EYA1: variants seen among roughly 807,000 people sequenced by gnomAD.
EYA1 encodes EYA transcriptional coactivator and phosphatase 1, also known as protein phosphatase EYA1.
In EYA1, 16 loss-of-function variants were observed where a neutral mutation model predicts 82.0. That is an observed-to-expected ratio of 0.20 (90% CI 0.13 to 0.30). The LOEUF is 0.30. Among genes scored for constraint, EYA1 ranks in the 10% least tolerant of loss-of-function variants. EYA1 has a pLI of 1.00. For synonymous variants in EYA1, 261 were observed against 264.4 expected, an observed-to-expected ratio of 0.99 and a Z score of 0.12; for missense variants, 633 against 730.7, an observed-to-expected ratio of 0.87 and a Z score of 1.54.
At chr8:71,353,702 T>C (rs902648556) in intron 3 of EYA1, among the ~76,000 whole-genome samples, 1 of 152,222 alleles carries the variant, frequency 6.6e-6, no homozygotes, top group Non-Finnish European at 1.5e-5. Context: ...TAATACATAT[T>C]GGAATATCAC....
At chr8:71,408,318 C>T (rs989515334) in intron 2 of EYA1, among the ~76,000 whole-genome samples, 70 of 151,532 alleles carry the variant, frequency 4.6e-4, no homozygotes, top group African/African-American at 1.6e-3. Flanking sequence ...CATCAACTAA[C>T]GAGCAAAAAC....
chr8:71,443,605 C>T (rs1288185520), intron 2 of EYA1, among the ~76,000 whole-genome samples: 1 of 152,136 alleles, frequency 6.6e-6, no homozygotes, highest in Admixed American at 6.6e-5. Flanking sequence ...GAGGACAGTG[C>T]TATAATGACT....
At chr8:71,500,757 G>GCA (rs1309236543) in intron 2 of EYA1, among the ~76,000 whole-genome samples, 8 of 151,744 alleles carry the variant, frequency 5.3e-5, no homozygotes, top group South Asian at 2.1e-4. Flanking sequence ...GAGTTTTTAT[G>GCA]CACACACACA....
intron 4 of EYA1, among the ~76,000 whole-genome samples, chr8:71,325,211 T>C: frequency 6.6e-6 from 1 of 152,186 alleles, no homozygotes; most frequent in East Asian, 1.9e-4. Flanking sequence ...TTGGTTGTTG[T>C]TCACACTAGA....
chr8:71,329,571 A>G (rs1443122374), intron 4 of EYA1, among the ~76,000 whole-genome samples: 3 of 152,072 alleles, frequency 2.0e-5, no homozygotes, highest in Admixed American at 6.5e-5. Flanking sequence ...GTCTTCTCCA[A>G]CTCTTCAAGC....
In EYA1 at chr8:71,216,722, T is replaced by A. The variant is rs533769812; in HGVS notation, c.1330A>T (p.Ile444Phe). 38 of 1,614,138 alleles carry A rather than the reference T, an allele frequency of 2.4e-5. No homozygotes were observed. The South Asian group carries it at 3.8e-4, about 16-fold the overall frequency. The change falls in exon 14 of 18, where the codon ATC becomes TTC. Residue 444 changes from isoleucine to phenylalanine, a missense_variant. By Grantham distance (21) the Ile-to-Phe change is conservative (BLOSUM62 0). Transcript: ENST00000340726. ...ACATTATTTTTGTAGGTGTTGTAGA[T>A]CTCTTTTACCCGTCTGTAGCGGAAG... ...LAFRYRRVKE[I>F]YNTYKNNVGG...
chr8:71,413,611 C>T lies in EYA1; in HGVS notation c.34-57100G>A, dbSNP rs138248003. Among the ~76,000 whole-genome samples, 957 of 152,192 alleles carry T rather than the reference C, an allele frequency of 6.3e-3. 11 individuals are homozygous for T. Among genetic ancestry groups the T allele is most frequent in the African/African-American group, 0.022 (926 of 41,530 alleles). On this transcript the variant is annotated intron_variant, in intron 2 of 18. Coordinates refer to the EYA1 transcript ENST00000643681. Reference sequence around the variant, plus strand: ...TCTATGTCACAAATTATATAAATAGCCATTTTCTGATTATAAACAAAGGAA... The same window carrying T: ...TCTATGTCACAAATTATATAAATAGTCATTTTCTGATTATAAACAAAGGAA...
rs1197770670 is a variant in EYA1, at chr8:71,536,374, T to A, written c.-72-526A>T. On this transcript the variant is annotated intron_variant, in intron 1 of 18. Transcript: ENST00000643681. ...TATACTATTTCTTAGCAAGTTTACA[T>A]TAGGTCACAGTTTCACGGATGATCA... is the stretch of plus-strand genomic sequence containing the variant. Among the ~76,000 whole-genome samples, 4 of 152,176 alleles carry A rather than the reference T, an allele frequency of 2.6e-5. 1 individual carries two copies. In the East Asian group the frequency reaches 7.7e-4, roughly 29 times the overall value.
intron 3 of EYA1, among the ~76,000 whole-genome samples, chr8:71,353,942 T>C (rs1041503143): frequency 2.0e-5 from 3 of 152,142 alleles, no homozygotes; most frequent in East Asian, 1.9e-4. Flanking sequence ...TATGAAGAAA[T>C]AATTTTTCAA....
intron 12 of EYA1, among the ~76,000 whole-genome samples, chr8:71,227,352 C>T (rs541160602): frequency 2.0e-5 from 3 of 152,096 alleles, no homozygotes; most frequent in African/African-American, 7.2e-5. Context: ...TCTATTATTC[C>T]TGCTGAGAGA....
intron 4 of EYA1, among the ~76,000 whole-genome samples, chr8:71,324,300 T>C (rs1822911146): frequency 6.6e-6 from 1 of 152,344 alleles, no homozygotes; most frequent in African/African-American, 2.4e-5. Flanking sequence ...TGTATATACA[T>C]ATGATGAAAG....
chr8:71,466,556 T>C (rs976987825), intron 2 of EYA1, among the ~76,000 whole-genome samples: 5 of 152,124 alleles, frequency 3.3e-5, no homozygotes, highest in African/African-American at 1.2e-4. Flanking sequence ...TCAATAAGCA[T>C]GTACATAGTT....
chr8:71,491,388 A>G lies in EYA1; in HGVS notation c.33+44356T>C, dbSNP rs139691463. On this transcript the variant is annotated intron_variant, in intron 2 of 18. Transcript: ENST00000643681. Reference sequence around the variant, plus strand: ...CAGAGAAGAGGATATTTAATCAGAGACCAAAACAGATTGTTAAACGCTACA... The same window carrying G: ...CAGAGAAGAGGATATTTAATCAGAGGCCAAAACAGATTGTTAAACGCTACA... 1.9e-3 allele frequency among the ~76,000 whole-genome samples: 295 copies of G among 152,306 alleles called. 1 individual carries two copies. Among genetic ancestry groups the G allele is most frequent in the Middle Eastern group, 0.01 (3 of 294 alleles).
chr8:71,272,629 G>T (rs544769355), intron 9 of EYA1, among the ~76,000 whole-genome samples: 2 of 152,224 alleles, frequency 1.3e-5, no homozygotes, highest in African/African-American at 2.4e-5. Context: ...CCCCCAAAAG[G>T]CTCAAAGGAA....
At chr8:71,248,383 G>C (rs1406404086) in intron 11 of EYA1, among the ~76,000 whole-genome samples, 1 of 152,068 alleles carries the variant, frequency 6.6e-6, no homozygotes, top group Non-Finnish European at 1.5e-5. Flanking sequence ...ATTAACACTG[G>C]GATCTAAGAA....
At chr8:71,310,157 T>C (rs1010700567) in intron 7 of EYA1, among the ~76,000 whole-genome samples, 1 of 152,210 alleles carries the variant, frequency 6.6e-6, no homozygotes, top group Non-Finnish European at 1.5e-5. Context: ...ATCGTGATGA[T>C]TCTGTGATGT....
intron 11 of EYA1, among the ~76,000 whole-genome samples, chr8:71,259,544 C>A (rs907604805): frequency 4.6e-5 from 7 of 152,142 alleles, no homozygotes; most frequent in African/African-American, 1.7e-4. Context: ...CAGAAAGAGG[C>A]AAGAAAAAAT....
intron 2 of EYA1, among the ~76,000 whole-genome samples, chr8:71,435,002 G>A (rs1170216273): frequency 6.6e-6 from 1 of 151,990 alleles, no homozygotes; most frequent in Non-Finnish European, 1.5e-5. Context: ...CACCTACATG[G>A]TTTCCTTTTA....
chr8:71,537,724 A>G (rs772142209), intron 1 of EYA1, among the ~76,000 whole-genome samples: 1 of 152,170 alleles, frequency 6.6e-6, no homozygotes, highest in African/African-American at 2.4e-5. Flanking sequence ...ACACGTTTCA[A>G]TCAAAATCTG....
Sources: gnomAD v4.1 joint callset for allele counts (sites outside exome capture counted in the v4.1 genomes callset) on GRCh38, gnomAD v4.1.1 for gene constraint, MANE v1.5 for transcripts, NCBI Gene and HGNC (gene_info 2026-07-23, HGNC 2026-07-21) for gene names.